CDH12: variants seen among roughly 807,000 people sequenced by gnomAD.
The protein encoded by CDH12 is cadherin 12.
Under a neutral mutation model 74.1 loss-of-function variants are expected in CDH12, and 41 were observed. That is an observed-to-expected ratio of 0.55 (90% CI 0.43 to 0.72). The LOEUF is 0.72. Among genes scored for constraint, CDH12 ranks in the 30% least tolerant of loss-of-function variants. The pLI, the probability that CDH12 is intolerant of heterozygous loss-of-function variation, is 0.00. For synonymous variants in CDH12, 399 were observed against 355.0 expected (o/e 1.12, Z -1.39); for missense variants, 945 against 977.2 (o/e 0.97, Z 0.44).
intron 10 of CDH12, among the ~76,000 whole-genome samples, chr5:21,797,093 G>A (rs1746823126): frequency 6.6e-6 from 1 of 152,066 alleles, no homozygotes; most frequent in Middle Eastern, 3.2e-3. Flanking sequence ...CAGACAGGGT[G>A]TGTTTGCTAG....
chr5:22,469,096 G>A (rs1226592512), intron 2 of CDH12, among the ~76,000 whole-genome samples: 3 of 152,122 alleles, frequency 2.0e-5, no homozygotes, highest in Non-Finnish European at 4.4e-5. Flanking sequence ...TGAGGGGCTG[G>A]AAAAATTATC....
rs1228997377 is a variant in CDH12 at position 22,848,764 on chromosome 5, C to T, written c.-523+4294G>A. On this transcript the variant is annotated intron_variant, in intron 1 of 14. Transcript: ENST00000382254. ...TTGAGTTATAATGGAATTATGGGTA[C>T]ACATTTCTTGGCTCTCCTTGCTGTC... 3.9e-5 allele frequency among the ~76,000 whole-genome samples: 6 copies of T among 152,180 alleles called. No individual in the cohort carries two copies. The East Asian group carries it at 1.2e-3, about 29-fold the overall frequency.
intron 1 of CDH12, among the ~76,000 whole-genome samples, chr5:22,758,073 G>A (rs185708667): frequency 4.6e-5 from 7 of 152,158 alleles, no homozygotes; most frequent in African/African-American, 9.7e-5. Context: ...GCACTATGGC[G>A]AGATAATTAA....
At chr5:22,285,865 G>C (rs1235541785) in intron 3 of CDH12, among the ~76,000 whole-genome samples, 1 of 151,996 alleles carries the variant, frequency 6.6e-6, no homozygotes, top group Non-Finnish European at 1.5e-5. Flanking sequence ...TTACTTCTGA[G>C]GATGAGGCAC....
At chr5:22,360,805 A>C (rs371255632) in intron 3 of CDH12, among the ~76,000 whole-genome samples, 9,019 of 152,060 alleles carry the variant, frequency 0.059, 374 homozygotes, top group South Asian at 0.16. Context: ...TAATCCAGCA[A>C]ATAAACAGAA....
intron 2 of CDH12, among the ~76,000 whole-genome samples, chr5:22,439,412 C>A (rs868769667): frequency 1.3e-5 from 2 of 152,096 alleles, no homozygotes; most frequent in East Asian, 3.9e-4. Flanking sequence ...GAAACAATGA[C>A]CCATAAATGT....
intron 3 of CDH12, among the ~76,000 whole-genome samples, chr5:22,293,277 C>A (rs1737479638): frequency 6.6e-6 from 1 of 152,066 alleles, no homozygotes; most frequent in Admixed American, 6.6e-5. Flanking sequence ...AAACCCCTAC[C>A]CTCCTTTGTT....
At chr5:22,747,607 C>CAA (rs34948688) in intron 1 of CDH12, among the ~76,000 whole-genome samples, 16,052 of 110,074 alleles carry the variant, frequency 0.15, 1,476 homozygotes, top group African/African-American at 0.23. Flanking sequence ...GAGACGCTGC[C>CAA]AAAAAAAAAA....
At chr5:22,792,760 C>T (rs552797785) in intron 1 of CDH12, among the ~76,000 whole-genome samples, 35 of 152,214 alleles carry the variant, frequency 2.3e-4, no homozygotes, top group Admixed American at 3.9e-4. Context: ...GGTCAGGAAA[C>T]GGGAGTTGGG....
chr5:21,841,358 A>G (rs1749839488), intron 8 of CDH12, among the ~76,000 whole-genome samples: 1 of 152,012 alleles, frequency 6.6e-6, no homozygotes, highest in South Asian at 2.1e-4. Context: ...TCAGGAAACA[A>G]CAGGTGCTGG....
chr5:22,784,106 CTG>C (rs1209893531), intron 1 of CDH12, among the ~76,000 whole-genome samples: 1 of 152,094 alleles, frequency 6.6e-6, no homozygotes, highest in Non-Finnish European at 1.5e-5. Flanking sequence ...ATTAATCTTA[CTG>C]TGTCATACAT....
chr5:22,712,838 AAATATACTGCCTCTCC>A (rs1459323454), intron 1 of CDH12, among the ~76,000 whole-genome samples: 1 of 152,188 alleles, frequency 6.6e-6, no homozygotes, highest in African/African-American at 2.4e-5. Flanking sequence ...AACAAATAAA[AAATATACTGCCTCTCC>A]AATACCATAC....
chr5:22,240,092 T>C (rs59490219), intron 3 of CDH12, among the ~76,000 whole-genome samples: 3,905 of 152,282 alleles, frequency 0.026, 70 homozygotes, highest in African/African-American at 0.053. Context: ...GATAATTCAT[T>C]TTCTCATAGA....
chr5:22,543,276 T>C (rs1240115936), intron 1 of CDH12, among the ~76,000 whole-genome samples: 2 of 152,082 alleles, frequency 1.3e-5, no homozygotes, highest in African/African-American at 4.8e-5. Context: ...AATATAACAA[T>C]TGTATACCTT....
At chr5:22,714,959 G>A (rs888010521) in intron 1 of CDH12, among the ~76,000 whole-genome samples, 3 of 152,074 alleles carry the variant, frequency 2.0e-5, no homozygotes, top group African/African-American at 7.2e-5. Flanking sequence ...TTCCCAGGCT[G>A]GAATACTGGT....
chr5:22,169,193 T>C (rs1748870720), intron 4 of CDH12, among the ~76,000 whole-genome samples: 1 of 148,864 alleles, frequency 6.7e-6, no homozygotes, highest in South Asian at 2.1e-4. Context: ...GGTTTGTCTT[T>C]CTGTCTTTTT....
chr5:22,506,133 A>G (rs1736378307), intron 1 of CDH12, among the ~76,000 whole-genome samples: 1 of 152,148 alleles, frequency 6.6e-6, no homozygotes, highest in Non-Finnish European at 1.5e-5. Flanking sequence ...GTTTCGTACT[A>G]TAAAGTTCCT....
chr5:22,151,869 T>C (rs1747604261), intron 4 of CDH12: 1 of 152,148 alleles, frequency 6.6e-6, no homozygotes. Flanking sequence ...GTAACTGATC[T>C]GATAATGTCA....
rs139502206 is a variant in CDH12 at position 22,687,260 on chromosome 5, C to T, written c.-523+165798G>A. 5.3e-3 allele frequency among the ~76,000 whole-genome samples: 806 copies of T among 151,604 alleles called. 7 individuals carry two copies. The highest frequency in any genetic ancestry group is 0.041 in the Middle Eastern group (12 of 292). On this transcript the variant is annotated intron_variant, in intron 1 of 14. Coordinates refer to ENST00000382254, the MANE Select transcript of CDH12 (RefSeq NM_004061.5). ...AGTGAGCCGAGATTGAGCCACTGTA[C>T]TGCAGCCTGGCAATAGAGTGAAACT...
Sources: gnomAD v4.1 joint callset for allele counts (sites outside exome capture counted in the v4.1 genomes callset) on GRCh38, gnomAD v4.1.1 for gene constraint, MANE v1.5 for transcripts, NCBI Gene and HGNC (gene_info 2026-07-23, HGNC 2026-07-21) for gene names.